Variants in TRRAP observed in about 807,000 individuals in gnomAD.
The protein encoded by TRRAP is transformation/transcription domain associated protein.
In TRRAP, 41 loss-of-function variants were observed where a neutral mutation model predicts 438.8. That is an observed-to-expected ratio of 0.09 (90% CI 0.07 to 0.12). The LOEUF is 0.12. Among genes scored for constraint, TRRAP ranks in the 10% least tolerant of loss-of-function variants. The pLI, the probability that TRRAP is intolerant of heterozygous loss-of-function variation, is 1.00. For synonymous variants in TRRAP, 1,994 were observed against 1,962.9 expected, an observed-to-expected ratio of 1.02 and a Z score of -0.42; for missense variants, 3,122 against 5,055.1, an observed-to-expected ratio of 0.62 and a Z score of 11.60.
chr7:98,986,036 A>G (rs191706648), intron 62 of TRRAP, among the ~76,000 whole-genome samples: 2 of 152,216 alleles, frequency 1.3e-5, no homozygotes, highest in Non-Finnish European at 2.9e-5. Context: ...AAATAGAAGC[A>G]TACACTGTGT....
chr7:98,993,265 A>G (rs923769448), intron 65 of TRRAP, among the ~76,000 whole-genome samples: 2 of 152,266 alleles, frequency 1.3e-5, no homozygotes, highest in South Asian at 2.1e-4. Flanking sequence ...GTGTTGTCAC[A>G]TCTGCATCCT....
At chr7:98,881,742 T>G (rs1584260233) in intron 2 of TRRAP, 2 of 455,702 alleles carry the variant, frequency 4.4e-6, no homozygotes, top group Non-Finnish European at 7.8e-6. Flanking sequence ...AAGAGGCACG[T>G]GTGTGTGTTT....
At chr7:98,968,423 G>A (rs913481786) in intron 51 of TRRAP, among the ~76,000 whole-genome samples, 9 of 152,350 alleles carry the variant, frequency 5.9e-5, no homozygotes, top group East Asian at 5.8e-4. Context: ...CAACACAAGC[G>A]TGTTTAACAT....
At chr7:98,890,555 A>G in intron 4 of TRRAP, 110 bp downstream of exon 4, 1 of 768,680 alleles carries the variant, frequency 1.3e-6, no homozygotes, top group Non-Finnish European at 2.0e-6. Flanking sequence ...AGGTTTTGTC[A>G]CATAAGGATA....
At chr7:99,009,974 G>A (rs1390884504) in intron 70 of TRRAP, among the ~76,000 whole-genome samples, 4 of 136,496 alleles carry the variant, frequency 2.9e-5, no homozygotes, top group African/African-American at 8.2e-5. Context: ...CGCATCCTCC[G>A]CCTCCTGGGT....
At chr7:98,981,645 C>T (rs1792924929) in intron 58 of TRRAP, 124 bp from the exon 59 acceptor site, 1 of 912,306 alleles carries the variant, frequency 1.1e-6, no homozygotes, top group South Asian at 1.8e-5. Context: ...ATTTCTATAG[C>T]CTAATTTCTG....
chr7:98,975,748 C>T (rs1310847015), intron 53 of TRRAP, among the ~76,000 whole-genome samples: 1 of 152,238 alleles, frequency 6.6e-6, no homozygotes, highest in Non-Finnish European at 1.5e-5. Context: ...TAGTTTATGT[C>T]ATATACGTGT....
Position 98,965,796 on chromosome 7 carries a change from A to C in TRRAP, c.7077A>C (p.Thr2359=). 1 of 1,614,118 alleles carries C rather than the reference A, an allele frequency of 6.2e-7. No homozygotes were observed. Among genetic ancestry groups the C allele is most frequent in the Non-Finnish European group, 8.5e-7 (1 of 1,180,002 alleles). The change falls in exon 49 of 73, where the codon ACA becomes ACC. Residue 2359 remains threonine, a synonymous_variant. Coordinates refer to ENST00000456197, the MANE Select transcript of TRRAP (RefSeq NM_001375524.1). Reference sequence around the variant, plus strand: ...AGAACTTCATCCAGGCCATCCTGACATCCCTCATCGAAAAATCACCAGATG... The same window carrying C: ...AGAACTTCATCCAGGCCATCCTGACCTCCCTCATCGAAAAATCACCAGATG... The part of the protein sequence containing the change: ...MRKNFIQAIL[T]SLIEKSPDAK...
chr7:98,959,536 C>T, intron 45 of TRRAP, 46 bp downstream of exon 45: 1 of 1,586,640 alleles, frequency 6.3e-7, no homozygotes, highest in Non-Finnish European at 8.6e-7. Context: ...ACCGAGGCCA[C>T]TAGCAGATAC....
chr7:98,982,777 T>C (rs573575774), intron 59 of TRRAP, among the ~76,000 whole-genome samples: 1 of 152,280 alleles, frequency 6.6e-6, no homozygotes, highest in East Asian at 1.9e-4. Context: ...TGTTTACATT[T>C]TATGGGTCCA....
At chr7:98,967,735 G>C (rs1295363212) in intron 51 of TRRAP, 37 bp downstream of exon 51, 4 of 1,592,496 alleles carry the variant, frequency 2.5e-6, no homozygotes, top group Non-Finnish European at 2.6e-6. Flanking sequence ...GCCGGGGGCA[G>C]CTGTGGGTTT....
At position 98,925,045 on chromosome 7, in the gene TRRAP, C is replaced by T. The variant is rs1187286903; in HGVS notation, c.2824-67C>T. On this transcript the variant is annotated intron_variant, in intron 21 of 72. Transcript: ENST00000456197. ...TTCTTCTGGGTGCTGCAGATGCTTT[C>T]AGTGAAAGCTTTTCACAATCATGTA... is the stretch of plus-strand genomic sequence containing the variant. 3.3e-6 allele frequency: 5 copies of T among 1,535,646 alleles called. No homozygotes were observed. The Admixed American group carries it at 6.3e-5, about 19-fold the overall frequency.
At chr7:98,938,245 G>T (rs1214719686) in intron 30 of TRRAP, among the ~76,000 whole-genome samples, 3 of 152,162 alleles carry the variant, frequency 2.0e-5, no homozygotes, top group African/African-American at 7.2e-5. Context: ...AGGCTGAGGT[G>T]GGAGGATCAC....
At chr7:98,931,739 G>T in intron 26 of TRRAP, 74 bp downstream of exon 26, 1 of 1,556,478 alleles carries the variant, frequency 6.4e-7, no homozygotes, top group Non-Finnish European at 8.7e-7. Flanking sequence ...TTGAGTTGAG[G>T]TGATACTCCG....
rs761442653 is a variant in TRRAP at position 98,994,775 on chromosome 7, G to A, written c.10236G>A (p.Glu3412=). The A allele has an allele frequency of 1.9e-6, 3 of 1,614,108 alleles. No homozygotes were observed. The East Asian group carries it at 6.7e-5, about 36-fold the overall frequency. Residue 3412 remains glutamate (E), a synonymous_variant, in exon 67 of 73, where the codon GAG becomes GAA. Transcript: ENST00000456197. This position sits in a 1 kb window ranked among gnomAD's most constrained non-coding sequence, Gnocchi z 4.8. ...VSTMFSSAAS[E]SLARRAQATA... Reference sequence around the variant, plus strand: ...CCATGTTCTCCAGCGCAGCCTCTGAGTCTCTGGCCCGGCGGGCGCAGGCCA... The same window carrying A: ...CCATGTTCTCCAGCGCAGCCTCTGAATCTCTGGCCCGGCGGGCGCAGGCCA...
chr7:98,900,794 A>G, intron 11 of TRRAP, 74 bp downstream of exon 11: 2 of 1,297,440 alleles, frequency 1.5e-6, no homozygotes, highest in Middle Eastern at 2.0e-4. Flanking sequence ...TTGTGGGTGT[A>G]CAGTTCTAGG....
intron 69 of TRRAP, among the ~76,000 whole-genome samples, chr7:99,006,832 T>G (rs1330155522): frequency 6.6e-6 from 1 of 152,220 alleles, no homozygotes; most frequent in Non-Finnish European, 1.5e-5. Context: ...ATTATCTCAT[T>G]TAATCCACAA....
At chr7:99,006,714 C>T (rs766096419) in intron 69 of TRRAP, among the ~76,000 whole-genome samples, 1 of 152,226 alleles carries the variant, frequency 6.6e-6, no homozygotes, top group African/African-American at 2.4e-5. Flanking sequence ...CACTGGGACC[C>T]TCACCGGGCA....
intron 20 of TRRAP, among the ~76,000 whole-genome samples, chr7:98,918,779 GGCACTGTGGCTCACGCCTGTAATCCCA>G (rs1194959038): frequency 6.6e-6 from 1 of 152,120 alleles, no homozygotes; most frequent in African/African-American, 2.4e-5. Flanking sequence ...ATGTTGGCCA[GGCACTGTGGCTCACGCCTGTAATCCCA>G]GCACTATGGG....
Sources: gnomAD v4.1 joint callset for allele counts (sites outside exome capture counted in the v4.1 genomes callset) on GRCh38, gnomAD v4.1.1 for gene constraint, Gnocchi (gnomAD v3.1) non-coding constraint, MANE v1.5 for transcripts, NCBI Gene and HGNC (gene_info 2026-07-23, HGNC 2026-07-21) for gene names.